The following ASB18 variants were observed in gnomAD, a reference collection of about 807,000 sequenced individuals.
The protein encoded by ASB18 is ankyrin repeat and SOCS box containing 18.
ASB18 carries 33 observed loss-of-function variants against 33.4 expected under a neutral mutation model. The ratio of observed to expected loss-of-function variants is 0.99; its 90% confidence interval spans 0.75 to 1.32. The LOEUF (loss-of-function observed/expected upper bound fraction) is 1.32. Among genes scored for constraint, ASB18 ranks in the 40% most tolerant of loss-of-function variants. ASB18 has a pLI of 0.00. For synonymous variants in ASB18, 295 were observed against 307.6 expected, an observed-to-expected ratio of 0.96 and a Z score of 0.43; for missense variants, 694 against 655.5, an observed-to-expected ratio of 1.06 and a Z score of -0.64.
chr2:236,230,694 C>A (rs2060560061), intron 3 of ASB18, among the ~76,000 whole-genome samples: 1 of 146,740 alleles, frequency 6.8e-6, no homozygotes, highest in Admixed American at 6.9e-5. Flanking sequence ...ATACTATAAA[C>A]CAGAAAGAAA....
rs2060655779 is a variant in ASB18, at chr2:236,248,702, G to A, written c.206-7300C>T. 6.6e-6 allele frequency: 1 copy of A among 152,228 alleles called. No individual in the cohort carries two copies. The allele number at this position is 152,228 out of a possible 1,614,324, so 9.4% of individuals were successfully genotyped here. A position where few individuals can be genotyped will look rare whatever the true frequency, so the allele number is the denominator to read the frequency against. ...CCATGGAATCCGTGACCCTTGCAAT[G>A]TGGTGTGGAATGCCTTTTATCCCTG... On this transcript the variant is annotated intron_variant, in intron 1 of 5. Transcript: ENST00000409749. The surrounding 1 kb of genome is among the most constrained non-coding windows in gnomAD (Gnocchi z 4.9).
At position 236,237,637 on chromosome 2, in the gene ASB18, C is replaced by A. The variant is rs1268203154; in HGVS notation, c.596+52G>T. The A allele has an allele frequency of 1.6e-6, 2 of 1,255,782 alleles. No homozygotes were observed. The highest frequency in any genetic ancestry group is 2.1e-5 in the South Asian group (1 of 47,932). The allele number at this position is 1,255,782 out of a possible 1,614,324, so 77.8% of individuals were successfully genotyped here. A position where few individuals can be genotyped will look rare whatever the true frequency, so the allele number is the denominator to read the frequency against. On this transcript the variant is annotated intron_variant, in intron 3 of 5. Transcript: ENST00000409749. The surrounding 1 kb of genome is among the most constrained non-coding windows in gnomAD (Gnocchi z 6.2). ...CGGCGGTCTCGTGGGGGGAGGCGGG[C>A]GTCTGGTCTCGGGGCGGGGCGGACG...
In ASB18 at chr2:236,205,173, C is replaced by T. The variant is rs1559327664; in HGVS notation, c.1102-8788G>A. On this transcript the variant is annotated intron_variant, in intron 4 of 5. Transcript: ENST00000409749. This position sits in a 1 kb window ranked among gnomAD's most constrained non-coding sequence, Gnocchi z 5.4. ...TTGCGTCACTCCTCTGCTCAAATCC[C>T]TCCAATGGTCAAAGTCATTACAATG... Among the ~76,000 whole-genome samples the T allele has an allele frequency of 6.6e-6, 1 of 152,238 alleles. No homozygotes were observed. Among genetic ancestry groups the T allele is most frequent in the Non-Finnish European group, 1.5e-5 (1 of 68,042 alleles).
Position 236,237,070 on chromosome 2 carries a change from A to G in ASB18, c.596+619T>C, listed in dbSNP as rs7569760. Among the ~76,000 whole-genome samples, 6 of 151,790 alleles carry G rather than the reference A, an allele frequency of 4.0e-5. No individual in the cohort carries two copies. In the East Asian group the frequency reaches 1.2e-3, roughly 30 times the overall value. On this transcript the variant is annotated intron_variant, in intron 3 of 5. Transcript: ENST00000409749. This position sits in a 1 kb window ranked among gnomAD's most constrained non-coding sequence, Gnocchi z 6.2. The stretch of plus-strand genomic sequence containing the variant: ...CCCGCGCCCGGGCGCGAACTAGCTG[A>G]GCGGCCGCTGGGCCTCCCTAGAGGC...
Position 236,202,234 on chromosome 2 carries a change from C to T in ASB18, c.1102-5849G>A, listed in dbSNP as rs576762116. On this transcript the variant is annotated intron_variant, in intron 4 of 5. Transcript: ENST00000409749. ...CCAAAGCGCTGGGATTACAGGTGTG[C>T]GCCACCACACCTGGCCTCATTTTTA... is the stretch of plus-strand genomic sequence containing the variant. Among the ~76,000 whole-genome samples, 13 of 152,140 alleles carry T rather than the reference C, an allele frequency of 8.5e-5. No individual in the cohort carries two copies. The South Asian group carries it at 2.1e-3, about 24-fold the overall frequency.
chr2:236,207,727 C>T (rs2060441070), intron 4 of ASB18, among the ~76,000 whole-genome samples: 2 of 152,122 alleles, frequency 1.3e-5, no homozygotes, highest in African/African-American at 4.8e-5. Flanking sequence ...CTCTTCCTGG[C>T]AGTTGGCAAG....
At chr2:236,240,929 G>T (rs896580030) in intron 2 of ASB18, among the ~76,000 whole-genome samples, 1 of 152,208 alleles carries the variant, frequency 6.6e-6, no homozygotes, top group Non-Finnish European at 1.5e-5. Flanking sequence ...TGCTCCGGGC[G>T]CAACTGAAGG....
rs1247707281 is a variant in ASB18, at chr2:236,200,954, TTTTG to T, written c.1102-4573_1102-4570del. On this transcript the variant is annotated intron_variant, in intron 4 of 5. Transcript: ENST00000409749. This position sits in a 1 kb window ranked among gnomAD's most constrained non-coding sequence, Gnocchi z 4.2. ...CCTTTCTCCTATCTCCTTAGGTATGTTTTGTTTGTCTTTCATGCTCCTTGGATTG... is the reference window on the plus strand; with the variant it reads ...CCTTTCTCCTATCTCCTTAGGTATGTTTTGTCTTTCATGCTCCTTGGATTG... 6.6e-6 allele frequency among the ~76,000 whole-genome samples: 1 copy of T among 152,196 alleles called. No individual in the cohort carries two copies. The highest frequency in any genetic ancestry group is 1.5e-5 in the Non-Finnish European group (1 of 68,032).
Position 236,194,917 on chromosome 2 carries a change from G to C in ASB18, c.1356C>G (p.Pro452=). Residue 452 remains proline (P), a synonymous_variant, in exon 6 of 6, where the codon CCC becomes CCG. Transcript: ENST00000409749. This position sits in a 1 kb window ranked among gnomAD's most constrained non-coding sequence, Gnocchi z 4.5. ...GCTCCAAAAGTAGGTAATTCTGCAG[G>C]GGCTTTGGCAAGGGTAACAGGGGGA... The part of the protein sequence containing the change: ...DLIPLLPLPK[P]LQNYLLLEPQ... 6.2e-7 allele frequency: 1 copy of C among 1,613,800 alleles called. No individual in the cohort carries two copies. Among genetic ancestry groups the C allele is most frequent in the African/African-American group, 1.3e-5 (1 of 75,052 alleles).
intron 3 of ASB18, among the ~76,000 whole-genome samples, chr2:236,218,856 GATTTTA>G (rs2060499565): frequency 6.7e-6 from 1 of 148,184 alleles, no homozygotes; most frequent in African/African-American, 2.5e-5. Flanking sequence ...TTTTTTAATT[GATTTTA>G]ATTTTAATTT....
At position 236,260,979 on chromosome 2, in the gene ASB18, C is replaced by T. The variant is rs183676040; in HGVS notation, c.205+3162G>A. Among the ~76,000 whole-genome samples, 2 of 152,184 alleles carry T rather than the reference C, an allele frequency of 1.3e-5. No individual in the cohort carries two copies. The highest frequency in any genetic ancestry group is 1.9e-4 in the East Asian group (1 of 5,174). On this transcript the variant is annotated intron_variant, in intron 1 of 5. Transcript: ENST00000409749. This position sits in a 1 kb window ranked among gnomAD's most constrained non-coding sequence, Gnocchi z 5.1. The stretch of plus-strand genomic sequence containing the variant: ...CGTTAATAAATGGAGACGTTGGTCT[C>T]GAGACAGACAGTGAGTTTCCTGAGG...
chr2:236,241,384 T>C lies in ASB18; in HGVS notation c.224A>G (p.Lys75Arg). Reference protein sequence around the residue: ...GMLLGDLDHLKPLMDQFFQDA... With the variant: ...GMLLGDLDHLRPLMDQFFQDA... Reference sequence around the variant, plus strand: ...CTGGAAGAACTGGTCCATGAGGGGCTTCAGATGGTCGAGGTCCCCTGCGAC... The same window carrying C: ...CTGGAAGAACTGGTCCATGAGGGGCCTCAGATGGTCGAGGTCCCCTGCGAC... Residue 75 changes from lysine to arginine, a missense_variant, in exon 2 of 6, where the codon AAG becomes AGG. Physicochemically the swap from Lys to Arg is conservative, Grantham distance 26. Coordinates refer to ENST00000409749, the MANE Select transcript of ASB18 (RefSeq NM_212556.4). This position sits in a 1 kb window ranked among gnomAD's most constrained non-coding sequence, Gnocchi z 4.2. The C allele has an allele frequency of 1.2e-6, 2 of 1,613,990 alleles. No individual in the cohort carries two copies. Among genetic ancestry groups the C allele is most frequent in the Admixed American group, 3.3e-5 (2 of 60,022 alleles).
In ASB18 at chr2:236,257,353, G is replaced by T. The variant is rs1480866654; in HGVS notation, c.205+6788C>A. 1.3e-5 allele frequency among the ~76,000 whole-genome samples: 2 copies of T among 152,214 alleles called. No individual in the cohort carries two copies. The highest frequency in any genetic ancestry group is 2.9e-5 in the Non-Finnish European group (2 of 68,036). ...CCCACGCTCTCTGGTGGAGTGAGCA[G>T]TCAAGACAGCAGAGCGCTTCTCCTC... On this transcript the variant is annotated intron_variant, in intron 1 of 5. Coordinates refer to ENST00000409749, the MANE Select transcript of ASB18 (RefSeq NM_212556.4). The surrounding 1 kb of genome is among the most constrained non-coding windows in gnomAD (Gnocchi z 5.5).
In ASB18 at chr2:236,250,014, A is replaced by G. The variant is rs945321985; in HGVS notation, c.206-8612T>C. On this transcript the variant is annotated intron_variant, in intron 1 of 5. Coordinates refer to ENST00000409749, the MANE Select transcript of ASB18 (RefSeq NM_212556.4). This position sits in a 1 kb window ranked among gnomAD's most constrained non-coding sequence, Gnocchi z 4.1. The stretch of plus-strand genomic sequence containing the variant: ...CACAAACATGAGTTCTTTATAATTG[A>G]GTCCTATAGTGTAGGTAGCTAATGA... 1 of 152,206 alleles carries G rather than the reference A, an allele frequency of 6.6e-6. No homozygotes were observed. The highest frequency in any genetic ancestry group is 6.5e-5 in the Admixed American group (1 of 15,290). The allele number at this position is 152,206 out of a possible 1,614,324, so 9.4% of individuals were successfully genotyped here.
Position 236,239,363 on chromosome 2 carries a change from G to T in ASB18, c.329-1407C>A. ...CAGGGACTGATGGGGAGAAGCCATA[G>T]GTGGGGATCTAGCTCAGCCACAGTG... On this transcript the variant is annotated intron_variant, in intron 2 of 5. Transcript: ENST00000409749. The surrounding 1 kb of genome is among the most constrained non-coding windows in gnomAD (Gnocchi z 5.6). Among the ~76,000 whole-genome samples, 1 of 151,756 alleles carries T rather than the reference G, an allele frequency of 6.6e-6. No individual in the cohort carries two copies. The highest frequency in any genetic ancestry group is 1.9e-4 in the East Asian group (1 of 5,130).
At chr2:236,243,508 C>G (rs2106281484) in intron 1 of ASB18, among the ~76,000 whole-genome samples, 1 of 152,134 alleles carries the variant, frequency 6.6e-6, no homozygotes, top group South Asian at 2.1e-4. Context: ...GGAGGCCCCA[C>G]TGGACACTGA....
At chr2:236,233,222 T>G (rs2060575122) in intron 3 of ASB18, among the ~76,000 whole-genome samples, 1 of 152,086 alleles carries the variant, frequency 6.6e-6, no homozygotes. Flanking sequence ...GAAAAAGCAC[T>G]TGAGAAAATT....
rs1407932792 is a variant in ASB18 at position 236,216,851 on chromosome 2, C to T, written c.597-1985G>A. Among the ~76,000 whole-genome samples the T allele has an allele frequency of 2.6e-5, 4 of 152,182 alleles. No individual in the cohort carries two copies. Among genetic ancestry groups the T allele is most frequent in the South Asian group, 2.1e-4 (1 of 4,834 alleles). On this transcript the variant is annotated intron_variant, in intron 3 of 5. Coordinates refer to ENST00000409749, the MANE Select transcript of ASB18 (RefSeq NM_212556.4). The surrounding 1 kb of genome is among the most constrained non-coding windows in gnomAD (Gnocchi z 6.1). ...CATGATCCAGCTCCTGGGGGCTCAC[C>T]GGGTTCACCTCCTGAGGCGCCGCCT... is the stretch of plus-strand genomic sequence containing the variant.
At position 236,237,960 on chromosome 2, in the gene ASB18, C is replaced by T; in HGVS notation, c.329-4G>A. The T allele has an allele frequency of 7.4e-6, 11 of 1,488,152 alleles. No individual in the cohort carries two copies. Among genetic ancestry groups the T allele is most frequent in the Non-Finnish European group, 9.8e-6 (11 of 1,126,888 alleles). The allele number at this position is 1,488,152 out of a possible 1,614,324, so 92.2% of individuals were successfully genotyped here. Reference sequence around the variant, plus strand: ...TTGTACTCCAGGGTCCAGAGGCCTGCGGGGAGGGAGGTGGGATGTAAGGTC... The same window carrying T: ...TTGTACTCCAGGGTCCAGAGGCCTGTGGGGAGGGAGGTGGGATGTAAGGTC... On this transcript the variant is annotated splice_region_variant and splice_polypyrimidine_tract_variant and intron_variant, in intron 2 of 5. Coordinates refer to ENST00000409749, the MANE Select transcript of ASB18 (RefSeq NM_212556.4). The surrounding 1 kb of genome is among the most constrained non-coding windows in gnomAD (Gnocchi z 6.2).
Sources: allele counts gnomAD v4.1 joint callset (sites outside exome capture counted in the v4.1 genomes callset), GRCh38; gene constraint gnomAD v4.1.1; non-coding constraint Gnocchi (gnomAD v3.1); transcripts MANE v1.5; gene names NCBI Gene and HGNC (gene_info 2026-07-23, HGNC 2026-07-21).